The following ANTXR2 variants were observed in gnomAD, a reference collection of about 807,000 sequenced individuals.
ANTXR2 encodes the protein anthrax toxin receptor 2.
In ANTXR2, 44 loss-of-function variants were observed where a neutral mutation model predicts 73.7. The observed-to-expected ratio is 0.60, with a 90% CI of 0.47 to 0.77. The LOEUF (loss-of-function observed/expected upper bound fraction) is 0.77, where lower values mean the gene tolerates loss of function less well. Among genes scored for constraint, ANTXR2 ranks in the 30% least tolerant of loss-of-function variants. ANTXR2 has a pLI of 0.00. For synonymous variants in ANTXR2, 217 were observed against 205.9 expected (o/e 1.05, Z -0.46); for missense variants, 604 against 592.5 (o/e 1.02, Z -0.20).
At chr4:79,990,637 A>T (rs1730423975) in intron 12 of ANTXR2, among the ~76,000 whole-genome samples, 3 of 152,138 alleles carry the variant, frequency 2.0e-5, no homozygotes, top group Admixed American at 6.6e-5. Flanking sequence ...AACTATTATA[A>T]AATTCATATG....
chr4:79,929,599 T>C (rs1727980154), intron 16 of ANTXR2, among the ~76,000 whole-genome samples: 1 of 152,184 alleles, frequency 6.6e-6, no homozygotes, highest in South Asian at 2.1e-4. Context: ...CTGTTCTTAA[T>C]GTTGATGCAA....
intron 10 of ANTXR2, chr4:80,024,507 T>C: frequency 3.7e-6 from 1 of 271,148 alleles, no homozygotes; most frequent in Non-Finnish European, 7.4e-6. Context: ...ATGCCTGTAA[T>C]CCCAACACTT....
At chr4:79,958,588 G>T (rs996689566) in intron 16 of ANTXR2, among the ~76,000 whole-genome samples, 2 of 152,012 alleles carry the variant, frequency 1.3e-5, no homozygotes, top group African/African-American at 4.8e-5. Context: ...AAAAACGAAG[G>T]TCCTGAAACT....
chr4:79,975,785 A>G (rs1455054494), intron 16 of ANTXR2, among the ~76,000 whole-genome samples: 1 of 152,222 alleles, frequency 6.6e-6, no homozygotes, highest in African/African-American at 2.4e-5. Flanking sequence ...CATTATGAAG[A>G]ACCACAGTGA....
Position 80,072,439 on chromosome 4 carries a change from C to G in ANTXR2, c.122G>C (p.Arg41Thr), listed in dbSNP as rs752425965. The G allele has an allele frequency of 1.2e-6, 2 of 1,607,488 alleles. No homozygotes were observed. The highest frequency in any genetic ancestry group is 1.7e-6 in the Non-Finnish European group (2 of 1,177,336). ...CAGGACGAAGTAGAGATCAAAGGCT[C>G]TTCTGCAGGAGGGCTGCTCCTGGGC... Reference protein sequence around the residue: ...LRAQEQPSCRRAFDLYFVLDK... With the variant: ...LRAQEQPSCRTAFDLYFVLDK... The change falls in exon 1 of 17, where the codon AGA becomes ACA. Residue 41 changes from arginine (R) to threonine (T), a missense_variant. By Grantham distance (71) the Arg-to-Thr change is moderately conservative. Transcript: ENST00000403729.
chr4:79,965,073 C>G (rs1395344881), intron 16 of ANTXR2: 4 of 108,642 alleles, frequency 3.7e-5, no homozygotes, highest in Admixed American at 2.3e-4. Context: ...CAAACGTGCC[C>G]GGTGCGGCCT....
chr4:79,922,173 T>A (rs1388201938), intron 16 of ANTXR2, among the ~76,000 whole-genome samples: 1 of 152,056 alleles, frequency 6.6e-6, no homozygotes, highest in African/African-American at 2.4e-5. Context: ...AAAATTAGGC[T>A]GATAACAGCA....
Position 79,907,351 on chromosome 4 carries a change from G to A in ANTXR2, c.*78C>T. 1 of 1,491,080 alleles carries A rather than the reference G, an allele frequency of 6.7e-7. No homozygotes were observed. Among genetic ancestry groups the A allele is most frequent in the Non-Finnish European group, 9.3e-7 (1 of 1,075,980 alleles). The allele number at this position is 1,491,080 out of a possible 1,614,324, so 92.4% of individuals were successfully genotyped here. A position where few individuals can be genotyped will look rare whatever the true frequency, so the allele number is the denominator to read the frequency against. ...TTCCAAAAGCTTCTGAAATGCACTT[G>A]ATTTTTTTCATTTGGTTGAAAATCA... is the stretch of plus-strand genomic sequence containing the variant. On this transcript the variant is annotated 3_prime_UTR_variant, in exon 17 of 17. Coordinates refer to ENST00000403729, the MANE Select transcript of ANTXR2 (RefSeq NM_058172.6).
rs535994946 is a variant in ANTXR2 at position 79,925,215 on chromosome 4, G to A, written c.1429-17748C>T. On this transcript the variant is annotated intron_variant, in intron 16 of 16. Transcript: ENST00000403729. ...ACAACATCAATGCACCTTGCAAAAA[G>A]CAAGCCAGCTGTTCATTCTATTTGG... is the stretch of plus-strand genomic sequence containing the variant. Among the ~76,000 whole-genome samples the A allele has an allele frequency of 4.0e-5, 6 of 150,830 alleles. No individual in the cohort carries two copies. The South Asian group carries it at 1.3e-3, about 32-fold the overall frequency.
chr4:80,057,702 T>TA (rs10717745), intron 3 of ANTXR2, among the ~76,000 whole-genome samples: 1 of 151,636 alleles, frequency 6.6e-6, no homozygotes, highest in East Asian at 1.9e-4. Context: ...TTTACCATAA[T>TA]AAAAAAAAGT....
At chr4:80,026,233 T>A (rs1171270647) in intron 10 of ANTXR2, among the ~76,000 whole-genome samples, 4 of 152,038 alleles carry the variant, frequency 2.6e-5, no homozygotes, top group Non-Finnish European at 5.9e-5. Context: ...GGTGAGTGAA[T>A]CTCACGAGAT....
At chr4:80,061,871 C>T (rs981389493) in intron 3 of ANTXR2, among the ~76,000 whole-genome samples, 24 of 152,028 alleles carry the variant, frequency 1.6e-4, no homozygotes, top group African/African-American at 5.1e-4. Flanking sequence ...TTCATATATA[C>T]CTGCTCTACT....
intron 11 of ANTXR2, among the ~76,000 whole-genome samples, chr4:80,013,360 G>A (rs1051152725): frequency 1.2e-4 from 18 of 152,188 alleles, no homozygotes; most frequent in African/African-American, 3.9e-4. Context: ...AAGCCCTGCC[G>A]TCAATGTCTC....
rs527425876 is a variant in ANTXR2, at chr4:80,056,466, CCCTT to C, written c.297-457_297-454del. ...CGAATTGCTAAAGCACATTATTTAG[CCCTT>C]ATTTACAGAAATTAACATTTTTTCT... On this transcript the variant is annotated intron_variant, in intron 3 of 16. Transcript: ENST00000403729. 1.8e-3 allele frequency among the ~76,000 whole-genome samples: 271 copies of C among 151,998 alleles called. 1 individual carries two copies. Among genetic ancestry groups the C allele is most frequent in the African/African-American group, 6.1e-3 (255 of 41,530 alleles).
In ANTXR2 at chr4:79,907,426, C is replaced by G. The variant is rs377638185; in HGVS notation, c.*3G>C. ...GTACCTTCTTGGTCTTCCTGCTTCC[C>G]TTTTACTGAGATGGAACTCGGGAGA... is the stretch of plus-strand genomic sequence containing the variant. On this transcript the variant is annotated 3_prime_UTR_variant, in exon 17 of 17. Transcript: ENST00000403729. 1 of 1,612,610 alleles carries G rather than the reference C, an allele frequency of 6.2e-7. No homozygotes were observed. The highest frequency in any genetic ancestry group is 1.1e-5 in the South Asian group (1 of 90,884).
Position 79,902,995 on chromosome 4 carries a change from AAG to A in ANTXR2, c.*4432_*4433del, listed in dbSNP as rs1726766714. ...CGAAACCCCATTTCTACAAAAATAC[AAG>A]AGTTAGCTGGGTGTGGTGTTATGTG... is the stretch of plus-strand genomic sequence containing the variant. On this transcript the variant is annotated 3_prime_UTR_variant, in exon 17 of 17. Coordinates refer to ENST00000403729, the MANE Select transcript of ANTXR2 (RefSeq NM_058172.6). 1.3e-5 allele frequency: 2 copies of A among 151,970 alleles called. No individual in the cohort carries two copies. Among genetic ancestry groups the A allele is most frequent in the Non-Finnish European group, 1.5e-5 (1 of 67,998 alleles). 9.4% of individuals were successfully genotyped at this position (151,970 alleles called of 1,614,324 possible).
At chr4:79,985,349 CAAA>C (rs369006459) in intron 12 of ANTXR2, among the ~76,000 whole-genome samples, 1 of 116,670 alleles carries the variant, frequency 8.6e-6, no homozygotes, top group Non-Finnish European at 1.8e-5. Flanking sequence ...GACTCTGTCT[CAAA>C]AAAAAAAGAA....
chr4:79,961,197 T>C (rs1342025438), intron 16 of ANTXR2, among the ~76,000 whole-genome samples: 1 of 151,964 alleles, frequency 6.6e-6, no homozygotes, highest in Non-Finnish European at 1.5e-5. Flanking sequence ...TGTAAATTAT[T>C]AGAAATTATA....
At chr4:79,979,442 T>A (rs1440273396) in intron 14 of ANTXR2, among the ~76,000 whole-genome samples, 2 of 152,200 alleles carry the variant, frequency 1.3e-5, no homozygotes, top group East Asian at 3.8e-4. Flanking sequence ...AGCATTTTAA[T>A]GATCTGAATT....
Sources: gnomAD v4.1 joint callset for allele counts (sites outside exome capture counted in the v4.1 genomes callset) on GRCh38, gnomAD v4.1.1 for gene constraint, MANE v1.5 for transcripts, NCBI Gene and HGNC (gene_info 2026-07-23, HGNC 2026-07-21) for gene names.